HTR1F: variants seen among roughly 807,000 people sequenced by gnomAD.
The protein encoded by HTR1F is 5-hydroxytryptamine receptor 1F.
Under a neutral mutation model 24.0 loss-of-function variants are expected in HTR1F, and 17 were observed. That is an observed-to-expected ratio of 0.71 (90% CI 0.48 to 1.06). The LOEUF (loss-of-function observed/expected upper bound fraction) is 1.06. Ranked by LOEUF, HTR1F falls within the 50% of genes least tolerant of loss-of-function variation. The probability of loss-of-function intolerance (pLI) is 0.00; values close to 1 mark genes in which losing one functional copy is unlikely to be tolerated. For missense variants in HTR1F, 391 were observed against 427.8 expected, an observed-to-expected ratio of 0.91 and a Z score of 0.76; for synonymous variants, 186 against 156.8, an observed-to-expected ratio of 1.19 and a Z score of -1.39.
intron 2 of HTR1F, among the ~76,000 whole-genome samples, chr3:87,906,134 G>A (rs1170733798): frequency 6.6e-6 from 1 of 152,106 alleles, no homozygotes; most frequent in Non-Finnish European, 1.5e-5. Context: ...GGGAAAAAAA[G>A]TGTTCCAATA....
intron 2 of HTR1F, among the ~76,000 whole-genome samples, chr3:87,871,258 C>A (rs570112347): frequency 1.9e-3 from 282 of 151,570 alleles, no homozygotes; most frequent in African/African-American, 6.6e-3. Context: ...AAGAATACAA[C>A]AAATAAATGA....
At position 87,805,761 on chromosome 3, in the gene HTR1F, G is replaced by A. The variant is rs547594763; in HGVS notation, c.-160+12919G>A. Among the ~76,000 whole-genome samples, 7 of 152,058 alleles carry A rather than the reference G, an allele frequency of 4.6e-5. No homozygotes were observed. In the South Asian group the frequency reaches 1.5e-3, roughly 32 times the overall value. On this transcript the variant is annotated intron_variant, in intron 1 of 2. Transcript: ENST00000319595. ...ACCACTACGGCACACGTTTACCCGTGTAACAAATCTGCATATCCTGCACGT... is the reference window on the plus strand; with the variant it reads ...ACCACTACGGCACACGTTTACCCGTATAACAAATCTGCATATCCTGCACGT...
At chr3:87,936,709 A>C (rs1030999426) in intron 2 of HTR1F, among the ~76,000 whole-genome samples, 5 of 152,182 alleles carry the variant, frequency 3.3e-5, no homozygotes, top group Admixed American at 2.6e-4. Context: ...TAAATCACGG[A>C]GCATAAACAA....
chr3:87,823,982 G>A (rs1268512360), intron 2 of HTR1F, among the ~76,000 whole-genome samples: 3 of 151,436 alleles, frequency 2.0e-5, no homozygotes, highest in Non-Finnish European at 4.4e-5. Flanking sequence ...GCTTGAACCC[G>A]GGAGGCGGAG....
At chr3:87,979,308 AG>A (rs1466086143) in intron 2 of HTR1F, among the ~76,000 whole-genome samples, 2 of 151,970 alleles carry the variant, frequency 1.3e-5, no homozygotes, top group Non-Finnish European at 2.9e-5. Flanking sequence ...ACCTCCATGA[AG>A]GGAAACTGGA....
intron 2 of HTR1F, among the ~76,000 whole-genome samples, chr3:87,874,426 T>C (rs566946598): frequency 6.6e-6 from 1 of 152,070 alleles, no homozygotes; most frequent in South Asian, 2.1e-4. Flanking sequence ...TGGGAATAAC[T>C]TAACTAAGAA....
At chr3:87,985,232 G>A (rs1705636902) in intron 2 of HTR1F, among the ~76,000 whole-genome samples, 1 of 152,056 alleles carries the variant, frequency 6.6e-6, no homozygotes, top group African/African-American at 2.4e-5. Context: ...CTACTCGGGA[G>A]GCTGAGGCTG....
chr3:87,934,892 G>T (rs1477329701), intron 2 of HTR1F, among the ~76,000 whole-genome samples: 1 of 152,166 alleles, frequency 6.6e-6, no homozygotes, highest in Non-Finnish European at 1.5e-5. Flanking sequence ...TTGAGACAGA[G>T]TCTCACTTTG....
chr3:87,873,004 T>A (rs1705590941), intron 2 of HTR1F, among the ~76,000 whole-genome samples: 1 of 151,198 alleles, frequency 6.6e-6, no homozygotes, highest in Non-Finnish European at 1.5e-5. Flanking sequence ...AACTACAGAG[T>A]AGTAACCAAT....
chr3:87,837,890 C>T (rs1704716319), intron 2 of HTR1F, among the ~76,000 whole-genome samples: 1 of 151,804 alleles, frequency 6.6e-6, no homozygotes, highest in Non-Finnish European at 1.5e-5. Flanking sequence ...AATATTTTAT[C>T]TCTTATCCAT....
chr3:87,799,478 T>C (rs542127197), intron 1 of HTR1F, among the ~76,000 whole-genome samples: 4 of 152,318 alleles, frequency 2.6e-5, no homozygotes, highest in African/African-American at 9.6e-5. Flanking sequence ...AAAAAGAATA[T>C]AGCAAACAAC....
At chr3:87,932,994 G>C (rs1265577853) in intron 2 of HTR1F, among the ~76,000 whole-genome samples, 11 of 148,172 alleles carry the variant, frequency 7.4e-5, no homozygotes. Flanking sequence ...ACATCAAAAA[G>C]CTTATCCACC....
intron 1 of HTR1F, among the ~76,000 whole-genome samples, chr3:87,798,420 C>A (rs1156332184): frequency 6.6e-6 from 1 of 152,052 alleles, no homozygotes; most frequent in East Asian, 1.9e-4. Context: ...TAACCACCTG[C>A]AACTTGAGCC....
In HTR1F at chr3:87,948,110, A is replaced by G. The variant is rs184502732; in HGVS notation, c.-42-42598A>G. 8.1e-3 allele frequency among the ~76,000 whole-genome samples: 1,229 copies of G among 152,320 alleles called. 9 individuals are homozygous for G. The highest frequency in any genetic ancestry group is 0.013 in the Non-Finnish European group (898 of 68,020). On this transcript the variant is annotated intron_variant, in intron 2 of 2. Coordinates refer to ENST00000319595, the MANE Select transcript of HTR1F (RefSeq NM_001322209.2). ...ATAAAACATTAAGGCTTATCCTATC[A>G]TCATAGAAAAGTAAAGTAAAATAAA...
intron 2 of HTR1F, among the ~76,000 whole-genome samples, chr3:87,942,518 G>T (rs1452643127): frequency 6.6e-6 from 1 of 152,074 alleles, no homozygotes; most frequent in Non-Finnish European, 1.5e-5. Flanking sequence ...TTCTGACTCA[G>T]AGGACTTTTG....
At chr3:87,839,228 A>T (rs909715345) in intron 2 of HTR1F, among the ~76,000 whole-genome samples, 1 of 151,960 alleles carries the variant, frequency 6.6e-6, no homozygotes, top group African/African-American at 2.4e-5. Flanking sequence ...TCACTAATTC[A>T]TTTTGAGTTG....
chr3:87,835,923 T>G (rs1373863226), intron 2 of HTR1F, among the ~76,000 whole-genome samples: 2 of 152,166 alleles, frequency 1.3e-5, no homozygotes, highest in Non-Finnish European at 2.9e-5. Flanking sequence ...ACCCTTGCAT[T>G]AGCTGTAGTG....
chr3:87,935,899 G>A (rs1474964353), intron 2 of HTR1F, among the ~76,000 whole-genome samples: 1 of 151,804 alleles, frequency 6.6e-6, no homozygotes, highest in South Asian at 2.1e-4. Context: ...CACCCAGGCT[G>A]GAGTGCAGTG....
chr3:87,807,808 T>A (rs1704097769), intron 1 of HTR1F, among the ~76,000 whole-genome samples: 1 of 151,978 alleles, frequency 6.6e-6, no homozygotes, highest in African/African-American at 2.4e-5. Context: ...ATGCCTAGTT[T>A]GTTGAGAATT....
Sources: allele counts gnomAD v4.1 joint callset (sites outside exome capture counted in the v4.1 genomes callset), GRCh38; gene constraint gnomAD v4.1.1; transcripts MANE v1.5; gene names NCBI Gene and HGNC (gene_info 2026-07-23, HGNC 2026-07-21).